Variants in HPSE2 observed in about 807,000 individuals in gnomAD.
HPSE2 encodes the protein heparanase 2 (inactive).
Under a neutral mutation model 60.5 loss-of-function variants are expected in HPSE2, and 38 were observed. The ratio of observed to expected loss-of-function variants is 0.63; its 90% CI spans 0.48 to 0.82. The LOEUF (loss-of-function observed/expected upper bound fraction) is 0.82. Among genes scored for constraint, HPSE2 ranks in the 40% least tolerant of loss-of-function variants. HPSE2 has a pLI of 0.00. For missense variants in HPSE2, 713 were observed against 740.4 expected (o/e 0.96, Z 0.43); for synonymous variants, 295 against 293.2 (o/e 1.01, Z -0.06).
At chr10:99,060,622 C>T (rs926750735) in intron 3 of HPSE2, among the ~76,000 whole-genome samples, 3 of 125,266 alleles carry the variant, frequency 2.4e-5, no homozygotes, top group African/African-American at 5.8e-5. Flanking sequence ...TGGGCCATTG[C>T]GCTCCAGCCT....
Position 98,458,443 on chromosome 10 carries a change from T to C in HPSE2, c.*1131A>G, listed in dbSNP as rs1287611250. ...CTACCATTCCATAGTTTTGGCCAGATCTTCATTCTCTAGATTCCCTATTCT... is the reference window on the plus strand; with the variant it reads ...CTACCATTCCATAGTTTTGGCCAGACCTTCATTCTCTAGATTCCCTATTCT... On this transcript the variant is annotated 3_prime_UTR_variant, in exon 12 of 12. Coordinates refer to ENST00000370552, the MANE Select transcript of HPSE2 (RefSeq NM_021828.5). 1.3e-5 allele frequency: 2 copies of C among 152,208 alleles called. No homozygotes were observed. Among genetic ancestry groups the C allele is most frequent in the African/African-American group, 4.8e-5 (2 of 41,456 alleles). The allele number at this position is 152,208 out of a possible 1,614,324, so 9.4% of individuals were successfully genotyped here. A position where few individuals can be genotyped will look rare whatever the true frequency, so the allele number is the denominator to read the frequency against.
At chr10:98,521,322 A>C (rs774111750) in intron 9 of HPSE2, among the ~76,000 whole-genome samples, 1 of 152,238 alleles carries the variant, frequency 6.6e-6, no homozygotes, top group Non-Finnish European at 1.5e-5. Flanking sequence ...AAGTGGGCAA[A>C]GGATATGAAC....
chr10:98,645,178 C>T (rs1435869510), intron 6 of HPSE2, among the ~76,000 whole-genome samples: 1 of 152,192 alleles, frequency 6.6e-6, no homozygotes, highest in East Asian at 1.9e-4. Flanking sequence ...TACAGGAATA[C>T]AATTTGTTTA....
At chr10:98,722,750 G>C (rs1433035956) in intron 4 of HPSE2, among the ~76,000 whole-genome samples, 1 of 152,112 alleles carries the variant, frequency 6.6e-6, no homozygotes, top group Non-Finnish European at 1.5e-5. Flanking sequence ...ATTTGATTTG[G>C]AATGGTGTGC....
At chr10:98,827,244 C>T (rs7914809) in intron 3 of HPSE2, among the ~76,000 whole-genome samples, 112,022 of 151,782 alleles carry the variant, frequency 0.74, 42,295 homozygotes, top group Non-Finnish European at 0.83. Context: ...CTTGCTCTGT[C>T]GCCCAGGCTG....
At chr10:99,022,952 T>G (rs1003992500) in intron 3 of HPSE2, among the ~76,000 whole-genome samples, 31 of 152,212 alleles carry the variant, frequency 2.0e-4, no homozygotes, top group Admixed American at 6.5e-4. Context: ...AAACACCCTC[T>G]GCTTGAGAAA....
chr10:98,721,079 G>A (rs978211717), intron 5 of HPSE2, among the ~76,000 whole-genome samples: 6 of 150,242 alleles, frequency 4.0e-5, no homozygotes, highest in Non-Finnish European at 8.9e-5. Context: ...TTTTTTTTCT[G>A]ACACATAAAA....
At chr10:99,223,629 T>G (rs1189485010) in intron 2 of HPSE2, among the ~76,000 whole-genome samples, 1 of 152,160 alleles carries the variant, frequency 6.6e-6, no homozygotes, top group Non-Finnish European at 1.5e-5. Flanking sequence ...ACATAAATAC[T>G]TTGTTTGACT....
At chr10:98,723,668 C>T (rs936988330) in intron 4 of HPSE2, among the ~76,000 whole-genome samples, 2 of 152,182 alleles carry the variant, frequency 1.3e-5, no homozygotes, top group Non-Finnish European at 1.5e-5. Flanking sequence ...TTCAGAGATT[C>T]AACTTCTTCC....
At chr10:99,187,677 C>T (rs911817331) in intron 2 of HPSE2, among the ~76,000 whole-genome samples, 8 of 152,122 alleles carry the variant, frequency 5.3e-5, no homozygotes, top group African/African-American at 9.7e-5. Context: ...CAAATGAAAA[C>T]GTAGTAAGAT....
chr10:98,709,282 A>G (rs751236920), intron 5 of HPSE2, among the ~76,000 whole-genome samples: 1 of 152,180 alleles, frequency 6.6e-6, no homozygotes, highest in Non-Finnish European at 1.5e-5. Flanking sequence ...GGGAGAGTGA[A>G]ATTCTGTTTA....
intron 9 of HPSE2, among the ~76,000 whole-genome samples, chr10:98,576,897 TA>T (rs921554678): frequency 2.2e-4 from 33 of 151,964 alleles, no homozygotes; most frequent in South Asian, 4.2e-4. Flanking sequence ...TTCACATGGT[TA>T]AAAAAAATGC....
intron 3 of HPSE2, among the ~76,000 whole-genome samples, chr10:98,972,003 T>C (rs1352379780): frequency 6.6e-6 from 1 of 152,176 alleles, no homozygotes; most frequent in Non-Finnish European, 1.5e-5. Flanking sequence ...TAACAAATCA[T>C]TGTATCTATA....
At chr10:98,821,331 C>T (rs1295566009) in intron 3 of HPSE2, among the ~76,000 whole-genome samples, 1 of 152,070 alleles carries the variant, frequency 6.6e-6, no homozygotes, top group East Asian at 1.9e-4. Flanking sequence ...TGCTCCTAGG[C>T]TAAAAACCTG....
At chr10:99,251,346 A>G in the HPSE2 span, among the ~76,000 whole-genome samples, 1 of 152,216 alleles carries the variant, frequency 6.6e-6, no homozygotes, top group Non-Finnish European at 1.5e-5. Context: ...GTAATTAGTA[A>G]TAAAGCACCT....
rs368063324 is a variant in HPSE2 at position 98,606,455 on chromosome 10, C to G, written c.1320+8449G>C. 1.2e-4 allele frequency among the ~76,000 whole-genome samples: 19 copies of G among 152,242 alleles called. No homozygotes were observed. In the East Asian group the frequency reaches 2.3e-3, roughly 19 times the overall value. ...AGCACAGGTATTTTTAAGAAGCTCC[C>G]GAGGTGACTATAATGTTCAGCCAGG... On this transcript the variant is annotated intron_variant, in intron 9 of 11. Coordinates refer to ENST00000370552, the MANE Select transcript of HPSE2 (RefSeq NM_021828.5).
chr10:98,922,284 T>C (rs1273548836), intron 3 of HPSE2, among the ~76,000 whole-genome samples: 3 of 152,138 alleles, frequency 2.0e-5, no homozygotes, highest in Admixed American at 6.6e-5. Flanking sequence ...GGTTACCAAA[T>C]TGGATAGTGC....
intron 3 of HPSE2, among the ~76,000 whole-genome samples, chr10:99,141,525 A>G (rs1379240878): frequency 6.6e-6 from 1 of 152,256 alleles, no homozygotes; most frequent in African/African-American, 2.4e-5. Context: ...AATACAATGT[A>G]ATAAGGAATA....
chr10:99,154,603 C>T (rs1380374431), intron 2 of HPSE2, among the ~76,000 whole-genome samples: 1 of 151,526 alleles, frequency 6.6e-6, no homozygotes, highest in Non-Finnish European at 1.5e-5. Flanking sequence ...CTGAAGGAAG[C>T]GCTAAACATG....
Sources: allele counts gnomAD v4.1 joint callset (sites outside exome capture counted in the v4.1 genomes callset), GRCh38; gene constraint gnomAD v4.1.1; transcripts MANE v1.5; gene names NCBI Gene and HGNC (gene_info 2026-07-23, HGNC 2026-07-21).